Variants in EEIG2 observed in about 807,000 individuals in gnomAD.
EEIG2 encodes EEIG family member 2, also known as family with sequence similarity 102 member B.
chr1:108,604,778 C>G, the EEIG2 span, among the ~76,000 whole-genome samples: 1 of 147,480 alleles, frequency 6.8e-6, no homozygotes, highest in Non-Finnish European at 1.5e-5. Context: ...CCTGTAATCC[C>G]AGCAATTTGG....
At chr1:108,623,414 G>A in the EEIG2 span, among the ~76,000 whole-genome samples, 7 of 152,142 alleles carry the variant, frequency 4.6e-5, no homozygotes, top group Non-Finnish European at 7.3e-5. Context: ...AGGATTGCTT[G>A]AGCTGGAGAA....
the EEIG2 span, among the ~76,000 whole-genome samples, chr1:108,572,501 A>C: frequency 6.6e-6 from 1 of 152,010 alleles, no homozygotes; most frequent in Non-Finnish European, 1.5e-5. Flanking sequence ...GTATCTAATA[A>C]CATGTGTTCA....
the EEIG2 span, among the ~76,000 whole-genome samples, chr1:108,619,462 T>C: frequency 5.9e-5 from 9 of 152,330 alleles, no homozygotes; most frequent in African/African-American, 2.2e-4. Flanking sequence ...AAAAGTAAAT[T>C]AGTTTTATCA....
At chr1:108,637,165 G>T in the EEIG2 span, 7 of 152,104 alleles carry the variant, frequency 4.6e-5, no homozygotes, top group African/African-American at 1.7e-4. Context: ...AAAGTAGAGA[G>T]ATTTTGAAAA....
the EEIG2 span, among the ~76,000 whole-genome samples, chr1:108,579,772 T>TGAGAGAGAGAAAGAGAGAGA: frequency 1.7e-5 from 1 of 58,822 alleles, no homozygotes; most frequent in Non-Finnish European, 3.3e-5. Context: ...TGTGTGTGTG[T>TGAGAGAGAGAAAGAGAGAGA]GAGAGAGAGA....
the EEIG2 span, among the ~76,000 whole-genome samples, chr1:108,607,108 G>C: frequency 6.6e-6 from 1 of 152,200 alleles, no homozygotes; most frequent in Non-Finnish European, 1.5e-5. Context: ...ATGTGAGATA[G>C]ACTTGCTTCA....
the EEIG2 span, among the ~76,000 whole-genome samples, chr1:108,595,322 AGAATGAAG>A: frequency 6.9e-6 from 1 of 145,532 alleles, no homozygotes; most frequent in Non-Finnish European, 1.5e-5. Context: ...AGGGAGGGAA[AGAATGAAG>A]GAAGGAAGGA....
the EEIG2 span, chr1:108,600,437 A>T: frequency 9.5e-7 from 1 of 1,050,472 alleles, no homozygotes; most frequent in Non-Finnish European, 1.4e-6. Context: ...CCTTCCTGCT[A>T]CACTGTTTAC....
chr1:108,604,636 G>A, the EEIG2 span, among the ~76,000 whole-genome samples: 1 of 152,058 alleles, frequency 6.6e-6, no homozygotes, highest in Non-Finnish European at 1.5e-5. Flanking sequence ...CAAAGGAGGT[G>A]GAGTGGCCAA....
the EEIG2 span, among the ~76,000 whole-genome samples, chr1:108,616,965 G>GC: frequency 2.4e-3 from 365 of 151,868 alleles, no homozygotes; most frequent in Non-Finnish European, 3.7e-3. Flanking sequence ...GTCAGGGGAG[G>GC]CCCCCCCCGG....
chr1:108,602,334 G>T, the EEIG2 span, among the ~76,000 whole-genome samples: 1 of 152,162 alleles, frequency 6.6e-6, no homozygotes, highest in Non-Finnish European at 1.5e-5. Flanking sequence ...AAGTCAAGGT[G>T]TCAGCAGGGC....
the EEIG2 span, chr1:108,629,950 A>G: frequency 2.8e-6 from 1 of 355,278 alleles, no homozygotes; most frequent in Non-Finnish European, 5.2e-6. Flanking sequence ...AAGGACACTT[A>G]GAAAAGAGTT....
the EEIG2 span, among the ~76,000 whole-genome samples, chr1:108,562,486 A>G: frequency 2.0e-5 from 3 of 152,222 alleles, no homozygotes; most frequent in Non-Finnish European, 4.4e-5. Flanking sequence ...ATGACTCACA[A>G]TAAGGAGCCT....
the EEIG2 span, chr1:108,560,494 C>T: frequency 1.2e-6 from 2 of 1,613,488 alleles, no homozygotes; most frequent in Non-Finnish European, 1.7e-6. Flanking sequence ...CCTCAGTGCC[C>T]TTCGTCAATG....
chr1:108,598,796 T>A, the EEIG2 span, among the ~76,000 whole-genome samples: 1 of 152,204 alleles, frequency 6.6e-6, no homozygotes, highest in Non-Finnish European at 1.5e-5. Flanking sequence ...TTGCTTTTTT[T>A]TTATAATTCC....
the EEIG2 span, among the ~76,000 whole-genome samples, chr1:108,633,984 C>T: frequency 1.5e-3 from 222 of 152,252 alleles, 1 homozygote; most frequent in African/African-American, 4.8e-3. Context: ...CTAGCTGGGG[C>T]GGTTGTCGGG....
chr1:108,632,770 G>A, the EEIG2 span, among the ~76,000 whole-genome samples: 2 of 144,590 alleles, frequency 1.4e-5, no homozygotes, highest in African/African-American at 2.8e-5. Flanking sequence ...ATTAATTTAG[G>A]TACAGAACAG....
chr1:108,574,484 C>T, the EEIG2 span, among the ~76,000 whole-genome samples: 1 of 152,232 alleles, frequency 6.6e-6, no homozygotes, highest in Non-Finnish European at 1.5e-5. Context: ...GGCGTGGTGG[C>T]TCACGCCTGT....
the EEIG2 span, chr1:108,638,109 G>C: frequency 6.6e-6 from 1 of 151,736 alleles, no homozygotes; most frequent in Non-Finnish European, 1.5e-5. Context: ...ACAGTGTCTT[G>C]CTCGGTCACC....
Sources: allele counts gnomAD v4.1 joint callset (sites outside exome capture counted in the v4.1 genomes callset), GRCh38; gene constraint gnomAD v4.1.1; transcripts MANE v1.5; gene names NCBI Gene and HGNC (gene_info 2026-07-23, HGNC 2026-07-21).